Variants in CAMKMT observed in about 807,000 individuals in gnomAD.
CAMKMT encodes CaM KMT.
In CAMKMT, 53 loss-of-function variants were observed where a neutral mutation model predicts 48.0. The observed-to-expected ratio is 1.10, with a 90% CI of 0.89 to 1.39. The LOEUF is 1.39. Ranked by LOEUF, CAMKMT falls within the 40% of genes most tolerant of loss-of-function variation. The pLI, the probability that CAMKMT is intolerant of heterozygous loss-of-function variation, is 0.00. For missense variants in CAMKMT, 428 were observed against 402.7 expected (o/e 1.06, Z -0.54); for synonymous variants, 165 against 152.3 (o/e 1.08, Z -0.61).
At chr2:44,499,280 A>G (rs1669899301) in intron 3 of CAMKMT, among the ~76,000 whole-genome samples, 1 of 152,208 alleles carries the variant, frequency 6.6e-6, no homozygotes, top group African/African-American at 2.4e-5. Flanking sequence ...GAATGTTTCT[A>G]GCACTGCATA....
intron 3 of CAMKMT, among the ~76,000 whole-genome samples, chr2:44,575,364 C>G (rs370621700): frequency 7.3e-5 from 2 of 27,406 alleles, no homozygotes; most frequent in African/African-American, 1.9e-4. Flanking sequence ...CAGGCATGAG[C>G]CACCACGCCC....
intron 9 of CAMKMT, among the ~76,000 whole-genome samples, chr2:44,758,031 T>C (rs762299392): frequency 2.0e-5 from 3 of 152,214 alleles, no homozygotes; most frequent in Non-Finnish European, 4.4e-5. Context: ...CCTGTACTGG[T>C]TCTGGGAGGA....
chr2:44,545,466 C>T (rs747881090), intron 3 of CAMKMT, among the ~76,000 whole-genome samples: 19 of 152,128 alleles, frequency 1.2e-4, no homozygotes, highest in Non-Finnish European at 2.2e-4. Flanking sequence ...TGCTCTTCCT[C>T]GTGGAACTTA....
At chr2:44,753,644 G>T (rs1680249106) in intron 8 of CAMKMT, among the ~76,000 whole-genome samples, 2 of 152,146 alleles carry the variant, frequency 1.3e-5, no homozygotes, top group South Asian at 4.1e-4. Context: ...GTGTCATAGG[G>T]CTGGTGGTTT....
chr2:44,692,467 C>T (rs924998298), intron 3 of CAMKMT, among the ~76,000 whole-genome samples: 66 of 152,196 alleles, frequency 4.3e-4, no homozygotes, highest in Non-Finnish European at 5.1e-4. Flanking sequence ...TGTTTTATTT[C>T]CTTCACAGCA....
intron 3 of CAMKMT, among the ~76,000 whole-genome samples, chr2:44,610,420 T>A (rs1164335784): frequency 3.9e-5 from 6 of 152,112 alleles, no homozygotes; most frequent in Non-Finnish European, 7.4e-5. Context: ...TGTCTCCTAT[T>A]TGGGAGGTGG....
In CAMKMT at chr2:44,645,332, C is replaced by G. The variant is rs560022874; in HGVS notation, c.377-58951C>G. Among the ~76,000 whole-genome samples the G allele has an allele frequency of 2.0e-5, 3 of 152,280 alleles. No individual in the cohort carries two copies. The East Asian group carries it at 5.8e-4, about 29-fold the overall frequency. On this transcript the variant is annotated intron_variant, in intron 3 of 10. Coordinates refer to ENST00000378494, the MANE Select transcript of CAMKMT (RefSeq NM_024766.5). Reference sequence around the variant, plus strand: ...GCTTCATCTTTTCTCAGAATGCCAACCAGCAGCACATTCAGGCCACATACA... The same window carrying G: ...GCTTCATCTTTTCTCAGAATGCCAAGCAGCAGCACATTCAGGCCACATACA...
chr2:44,437,448 C>T (rs1666333119), intron 3 of CAMKMT, among the ~76,000 whole-genome samples: 1 of 146,264 alleles, frequency 6.8e-6, no homozygotes, highest in Admixed American at 6.7e-5. Context: ...CTGGGGCCGT[C>T]AAACCAGTAG....
Position 44,373,207 on chromosome 2 carries a change from G to A in CAMKMT, c.311+319G>A, listed in dbSNP as rs1008258741. 3.3e-5 allele frequency among the ~76,000 whole-genome samples: 5 copies of A among 152,296 alleles called. No homozygotes were observed. The South Asian group carries it at 6.2e-4, about 19-fold the overall frequency. ...ATGTTTGTTCTGAGGCAAAGAAGGG[G>A]CTGAAAGTGAAAACAGAATTTTTCC... is the stretch of plus-strand genomic sequence containing the variant. On this transcript the variant is annotated intron_variant, in intron 2 of 10. Coordinates refer to ENST00000378494, the MANE Select transcript of CAMKMT (RefSeq NM_024766.5).
At chr2:44,488,864 T>C (rs2104704673) in intron 3 of CAMKMT, among the ~76,000 whole-genome samples, 1 of 147,668 alleles carries the variant, frequency 6.8e-6, no homozygotes, top group African/African-American at 2.4e-5. Context: ...TGTGTGTGTG[T>C]GTGTGTGTGT....
intron 3 of CAMKMT, among the ~76,000 whole-genome samples, chr2:44,578,213 T>G (rs1669343995): frequency 6.6e-6 from 1 of 152,190 alleles, no homozygotes; most frequent in African/African-American, 2.4e-5. Flanking sequence ...ATTAACATTG[T>G]TAAAAAGAAT....
At chr2:44,498,507 T>A (rs928850805) in intron 3 of CAMKMT, among the ~76,000 whole-genome samples, 7 of 152,208 alleles carry the variant, frequency 4.6e-5, no homozygotes, top group Non-Finnish European at 1.0e-4. Flanking sequence ...TTAGTATTAC[T>A]TAGGAGATGC....
At position 44,618,908 on chromosome 2, in the gene CAMKMT, GA is replaced by G. The variant is rs1672029999; in HGVS notation, c.377-85374del. ...TGTAATTATTGATAACTTCATTTAT[GA>G]TAAACTTAAAAAGCCTTTCTGACAT... On this transcript the variant is annotated intron_variant, in intron 3 of 10. Transcript: ENST00000378494. The surrounding 1 kb of genome is among the most constrained non-coding windows in gnomAD (Gnocchi z 4.0). 6.6e-6 allele frequency among the ~76,000 whole-genome samples: 1 copy of G among 152,054 alleles called. No individual in the cohort carries two copies. Among genetic ancestry groups the G allele is most frequent in the Non-Finnish European group, 1.5e-5 (1 of 68,004 alleles).
intron 2 of CAMKMT, among the ~76,000 whole-genome samples, chr2:44,381,856 A>G (rs955132827): frequency 1.3e-5 from 2 of 152,080 alleles, no homozygotes; most frequent in Non-Finnish European, 2.9e-5. Flanking sequence ...TTTTTCTTGA[A>G]GGAACCGTAT....
At chr2:44,462,212 TAAAGA>T (rs1200822346) in intron 3 of CAMKMT, among the ~76,000 whole-genome samples, 1 of 152,058 alleles carries the variant, frequency 6.6e-6, no homozygotes, top group Non-Finnish European at 1.5e-5. Flanking sequence ...ATTCAAATAA[TAAAGA>T]AAAGGGTAAT....
chr2:44,506,114 C>T (rs1365294373), intron 3 of CAMKMT, among the ~76,000 whole-genome samples: 1 of 152,016 alleles, frequency 6.6e-6, no homozygotes, highest in African/African-American at 2.4e-5. Context: ...ACCGTGGCCT[C>T]CCAAAGTGCT....
intron 3 of CAMKMT, among the ~76,000 whole-genome samples, chr2:44,689,264 T>TTTTTTTTATTTATTTA (rs1553438288): frequency 3.0e-4 from 41 of 136,252 alleles, no homozygotes; most frequent in African/African-American, 9.1e-4. Flanking sequence ...CAGCACTATT[T>TTTTTTTTATTTATTTA]TTTATTTATT....
At chr2:44,518,949 C>A (rs1194163685) in intron 3 of CAMKMT, among the ~76,000 whole-genome samples, 1 of 152,192 alleles carries the variant, frequency 6.6e-6, no homozygotes, top group Non-Finnish European at 1.5e-5. Flanking sequence ...ATATACCTAC[C>A]ATAATGATAC....
At chr2:44,459,396 T>A (rs1182493605) in intron 3 of CAMKMT, among the ~76,000 whole-genome samples, 1 of 152,198 alleles carries the variant, frequency 6.6e-6, no homozygotes, top group Non-Finnish European at 1.5e-5. Flanking sequence ...TGCCTGGTTG[T>A]TATAGATTGT....
Sources: allele counts gnomAD v4.1 joint callset (sites outside exome capture counted in the v4.1 genomes callset), GRCh38; gene constraint gnomAD v4.1.1; non-coding constraint Gnocchi (gnomAD v3.1); transcripts MANE v1.5; gene names NCBI Gene and HGNC (gene_info 2026-07-23, HGNC 2026-07-21).